The following MACROD2 variants were observed in gnomAD, a reference collection of about 807,000 sequenced individuals.
MACROD2 encodes the protein ADP-ribose glycohydrolase MACROD2.
Under a neutral mutation model 70.4 loss-of-function variants are expected in MACROD2, and 36 were observed. That is an observed-to-expected ratio of 0.51 (90% CI 0.39 to 0.68). The LOEUF (loss-of-function observed/expected upper bound fraction) is 0.68. MACROD2 is among the 30% of genes least tolerant of loss of function. MACROD2 has a pLI of 0.00. For synonymous variants in MACROD2, 172 were observed against 178.8 expected (o/e 0.96, Z 0.30); for missense variants, 496 against 538.4 (o/e 0.92, Z 0.78).
chr20:15,630,688 A>C (rs1004269787), intron 8 of MACROD2, among the ~76,000 whole-genome samples: 1 of 152,240 alleles, frequency 6.6e-6, no homozygotes, highest in African/African-American at 2.4e-5. Context: ...ATCAACAGCA[A>C]ATGTAGATGC....
chr20:15,813,869 C>T (rs973683864), intron 8 of MACROD2, among the ~76,000 whole-genome samples: 1 of 152,132 alleles, frequency 6.6e-6, no homozygotes, highest in Non-Finnish European at 1.5e-5. Context: ...AACTAGCCCA[C>T]GGAGTTCACT....
intron 8 of MACROD2, among the ~76,000 whole-genome samples, chr20:15,754,865 G>GT (rs201571016): frequency 0.11 from 16,089 of 142,994 alleles, 1,078 homozygotes; most frequent in East Asian, 0.34. Context: ...AGTTTGCTGG[G>GT]TTTTTTTTTT....
chr20:15,482,728 C>G (rs957776194), intron 7 of MACROD2, among the ~76,000 whole-genome samples: 3 of 152,038 alleles, frequency 2.0e-5, no homozygotes, highest in Admixed American at 2.0e-4. Flanking sequence ...TACCAGCATT[C>G]GGTATTGTCA....
At chr20:15,577,296 C>G (rs2048461994) in intron 8 of MACROD2, among the ~76,000 whole-genome samples, 1 of 151,972 alleles carries the variant, frequency 6.6e-6, no homozygotes, top group African/African-American at 2.4e-5. Flanking sequence ...GTTATCGACT[C>G]ACATCTACTC....
intron 12 of MACROD2, among the ~76,000 whole-genome samples, chr20:15,962,407 C>A (rs559881018): frequency 6.6e-6 from 1 of 152,144 alleles, no homozygotes; most frequent in Non-Finnish European, 1.5e-5. Flanking sequence ...AGTTATGAAG[C>A]TTGTAGCTCT....
At chr20:14,084,690 GT>G (rs2054054168) in intron 2 of MACROD2, among the ~76,000 whole-genome samples, 1 of 152,050 alleles carries the variant, frequency 6.6e-6, no homozygotes, top group South Asian at 2.1e-4. Context: ...CTTGCTGGCT[GT>G]TGTGTGTTGG....
At chr20:14,471,382 C>A (rs2084529139) in intron 3 of MACROD2, among the ~76,000 whole-genome samples, 1 of 152,090 alleles carries the variant, frequency 6.6e-6, no homozygotes, top group African/African-American at 2.4e-5. Context: ...ATCTTGCCAG[C>A]CCTTTCTGAT....
intron 8 of MACROD2, among the ~76,000 whole-genome samples, chr20:15,511,896 T>C (rs1293835326): frequency 6.6e-6 from 1 of 152,246 alleles, no homozygotes; most frequent in Non-Finnish European, 1.5e-5. Context: ...CTAAATCTAC[T>C]GTATCAGAAT....
At chr20:15,349,984 T>C (rs540302143) in intron 6 of MACROD2, among the ~76,000 whole-genome samples, 37 of 152,190 alleles carry the variant, frequency 2.4e-4, no homozygotes, top group African/African-American at 8.9e-4. Context: ...TCATTGCTGA[T>C]AGATGAAAGA....
chr20:14,538,546 G>T (rs2085394287), intron 4 of MACROD2, among the ~76,000 whole-genome samples: 1 of 152,110 alleles, frequency 6.6e-6, no homozygotes, highest in Non-Finnish European at 1.5e-5. Context: ...GCTACTATGA[G>T]CCTGCTCTTG....
At chr20:14,020,023 G>A (rs1010665532) in intron 2 of MACROD2, among the ~76,000 whole-genome samples, 5 of 152,100 alleles carry the variant, frequency 3.3e-5, no homozygotes, top group South Asian at 2.1e-4. Context: ...AAATTAGCTC[G>A]GGCCATGCCT....
At chr20:14,883,640 T>A (rs1346004748) in intron 5 of MACROD2, among the ~76,000 whole-genome samples, 3 of 152,174 alleles carry the variant, frequency 2.0e-5, no homozygotes, top group African/African-American at 7.2e-5. Flanking sequence ...GTTGTTTACT[T>A]TCCTTTCCTA....
intron 6 of MACROD2, among the ~76,000 whole-genome samples, chr20:15,295,314 T>G (rs1338319134): frequency 1.3e-5 from 2 of 152,182 alleles, no homozygotes; most frequent in Non-Finnish European, 2.9e-5. Flanking sequence ...AATATGAAAA[T>G]AGACTAATAC....
intron 8 of MACROD2, among the ~76,000 whole-genome samples, chr20:15,733,073 A>C (rs2050968361): frequency 1.3e-5 from 2 of 152,110 alleles, no homozygotes; most frequent in African/African-American, 4.8e-5. Flanking sequence ...AGTCCATTTC[A>C]TCTAAGTTGT....
At chr20:15,007,430 A>G (rs2075048083) in intron 5 of MACROD2, among the ~76,000 whole-genome samples, 2 of 152,104 alleles carry the variant, frequency 1.3e-5, no homozygotes, top group Non-Finnish European at 2.9e-5. Context: ...GCCCTGTCAT[A>G]CATTATATAC....
At chr20:14,498,989 G>C (rs1336717916) in intron 4 of MACROD2, among the ~76,000 whole-genome samples, 1 of 152,210 alleles carries the variant, frequency 6.6e-6, no homozygotes, top group Non-Finnish European at 1.5e-5. Flanking sequence ...GCAGTTTACA[G>C]AGGGTAGAGT....
chr20:14,156,757 T>C (rs1310658568), intron 3 of MACROD2, among the ~76,000 whole-genome samples: 2 of 152,244 alleles, frequency 1.3e-5, no homozygotes, highest in African/African-American at 4.8e-5. Context: ...GATGATTAAA[T>C]ATTGTATGAT....
At chr20:14,344,201 T>C (rs1194402444) in intron 3 of MACROD2, among the ~76,000 whole-genome samples, 1 of 152,228 alleles carries the variant, frequency 6.6e-6, no homozygotes, top group Non-Finnish European at 1.5e-5. Flanking sequence ...TTGCCCTTCA[T>C]TGGCACTGTC....
intron 8 of MACROD2, among the ~76,000 whole-genome samples, chr20:15,608,461 C>T (rs2048923506): frequency 1.3e-5 from 2 of 152,178 alleles, no homozygotes; most frequent in Non-Finnish European, 1.5e-5. Context: ...GAGGAGCACA[C>T]GTGCAAAGAC....
Sources: gnomAD v4.1 joint callset for allele counts (sites outside exome capture counted in the v4.1 genomes callset) on GRCh38, gnomAD v4.1.1 for gene constraint, MANE v1.5 for transcripts, NCBI Gene and HGNC (gene_info 2026-07-23, HGNC 2026-07-21) for gene names.